Variants in CHD2 observed in about 807,000 individuals in gnomAD.
CHD2 encodes the protein chromodomain helicase DNA binding protein 2.
CHD2 carries 28 observed loss-of-function variants against 243.9 expected under a neutral mutation model. That is an observed-to-expected ratio of 0.11 (90% CI 0.09 to 0.16). The LOEUF is 0.16. Ranked by LOEUF, CHD2 falls within the 10% of genes least tolerant of loss-of-function variation. CHD2 has a pLI of 1.00. For synonymous variants in CHD2, 775 were observed against 779.0 expected, an observed-to-expected ratio of 0.99 and a Z score of 0.09; for missense variants, 1,386 against 2,209.8, an observed-to-expected ratio of 0.63 and a Z score of 7.47.
At chr15:92,964,052 C>G (rs1211796022) in intron 16 of CHD2, among the ~76,000 whole-genome samples, 1 of 152,238 alleles carries the variant, frequency 6.6e-6, no homozygotes, top group Non-Finnish European at 1.5e-5. Flanking sequence ...TGGCATTCCA[C>G]TCAGCATGGG....
At chr15:92,929,583 G>A (rs1156979862) in intron 5 of CHD2, among the ~76,000 whole-genome samples, 1 of 151,716 alleles carries the variant, frequency 6.6e-6, no homozygotes, top group East Asian at 1.9e-4. Flanking sequence ...GACTTAATGT[G>A]GAGTTTCTTT....
At chr15:92,950,569 A>G (rs749209180) in intron 13 of CHD2, 1 of 152,198 alleles carries the variant, frequency 6.6e-6, no homozygotes, top group Non-Finnish European at 1.5e-5. Flanking sequence ...CCTGTGCAAC[A>G]TGGCAAAACC....
At position 92,937,593 on chromosome 15, in the gene CHD2, A is replaced by T. The variant is rs1346574238; in HGVS notation, c.519A>T (p.Lys173Asn). Residue 173 changes from lysine (K) to asparagine (N), a missense_variant, in exon 6 of 39, where the codon AAA becomes AAT. By Grantham distance (94) the Lys-to-Asn change is moderately conservative. Coordinates refer to ENST00000394196, the MANE Select transcript of CHD2 (RefSeq NM_001271.4). ...GTGCAGAGAGTGAGCCAGAACAAAA[A>T]AAAGTAAAAGCCAGAAGACCTGTCC... ...GTSAESEPEQ[K>N]KVKARRPVPR... The T allele has an allele frequency of 6.2e-7, 1 of 1,613,904 alleles. No individual in the cohort carries two copies. Among genetic ancestry groups the T allele is most frequent in the South Asian group, 1.1e-5 (1 of 90,998 alleles).
At chr15:92,901,395 G>GT in intron 2 of CHD2, 96 bp downstream of exon 2, 1 of 733,112 alleles carries the variant, frequency 1.4e-6, no homozygotes. Flanking sequence ...ATTGCTGTCT[G>GT]TTTTATTGTG....
intron 5 of CHD2, among the ~76,000 whole-genome samples, chr15:92,935,907 A>G (rs1051134082): frequency 8.5e-5 from 13 of 152,138 alleles, no homozygotes; most frequent in African/African-American, 2.9e-4. Context: ...TCTGACTGAT[A>G]GACTAATTGC....
chr15:92,989,348 A>G (rs916391761), intron 26 of CHD2, among the ~76,000 whole-genome samples: 2 of 152,020 alleles, frequency 1.3e-5, no homozygotes, highest in Non-Finnish European at 2.9e-5. Flanking sequence ...TTGGTTTTCT[A>G]TATGTCCCGT....
intron 2 of CHD2, among the ~76,000 whole-genome samples, chr15:92,905,886 GTAA>G (rs1451510715): frequency 2.0e-5 from 3 of 152,160 alleles, no homozygotes; most frequent in Non-Finnish European, 4.4e-5. Context: ...AAGAACGAAA[GTAA>G]TAATCTCACC....
At chr15:93,005,676 T>G (rs1161733904) in intron 34 of CHD2, among the ~76,000 whole-genome samples, 1 of 152,244 alleles carries the variant, frequency 6.6e-6, no homozygotes, top group Non-Finnish European at 1.5e-5. Context: ...ATATAGATAT[T>G]GTTTTCTTTG....
intron 4 of CHD2, among the ~76,000 whole-genome samples, chr15:92,927,919 A>G (rs965684652): frequency 2.0e-5 from 3 of 152,172 alleles, no homozygotes; most frequent in Non-Finnish European, 4.4e-5. Flanking sequence ...TTGGTTGTCT[A>G]TAGAATCAGA....
In CHD2 at chr15:92,999,119, T is replaced by A. The variant is rs1003033550; in HGVS notation, c.4008+498T>A. 3.0e-3 allele frequency among the ~76,000 whole-genome samples: 405 copies of A among 136,186 alleles called. 5 individuals are homozygous for A. Among genetic ancestry groups the A allele is most frequent in the African/African-American group, 0.011 (377 of 35,264 alleles). The allele number at this position is 136,186 out of a possible 152,430, so 89.3% of individuals were successfully genotyped here. On this transcript the variant is annotated intron_variant, in intron 31 of 38. Coordinates refer to ENST00000394196, the MANE Select transcript of CHD2 (RefSeq NM_001271.4). ...AAAAAAAAAAAAAAAAAAAAAAAAT[T>A]CATTTAAGACCACGGCATCTTGGCA...
At chr15:93,001,522 TGA>T (rs1293272341) in intron 32 of CHD2, among the ~76,000 whole-genome samples, 3 of 152,152 alleles carry the variant, frequency 2.0e-5, no homozygotes, top group Admixed American at 6.5e-5. Context: ...TTATTTATTA[TGA>T]GTTGCTTTTT....
At chr15:93,019,013 G>A (rs2141893599) in intron 37 of CHD2, among the ~76,000 whole-genome samples, 1 of 152,322 alleles carries the variant, frequency 6.6e-6, no homozygotes, top group African/African-American at 2.4e-5. Flanking sequence ...TCTGATTCAA[G>A]TGAGTATGAT....
In CHD2 at chr15:92,979,381, A is replaced by G. The variant is rs2053948527; in HGVS notation, c.2876+98A>G. On this transcript the variant is annotated intron_variant, in intron 22 of 38. Coordinates refer to ENST00000394196, the MANE Select transcript of CHD2 (RefSeq NM_001271.4). ...TTCTACCACAGACATTAGTCTGTTC[A>G]TTACCTGGAAGATGCCAGGCCAGAA... The G allele has an allele frequency of 2.2e-5, 30 of 1,392,918 alleles. 1 individual carries two copies. In the South Asian group the frequency reaches 4.0e-4, roughly 19 times the overall value. The allele number at this position is 1,392,918 out of a possible 1,614,324, so 86.3% of individuals were successfully genotyped here. A position where few individuals can be genotyped will look rare whatever the true frequency, so the allele number is the denominator to read the frequency against.
chr15:92,949,305 T>G, intron 13 of CHD2: 1 of 1,171,648 alleles, frequency 8.5e-7, no homozygotes. Context: ...TATTTCATTA[T>G]TTGGTGGGTA....
In CHD2 at chr15:92,965,565, C is replaced by CAAAAAAAAAAAA. The variant is rs61447848; in HGVS notation, c.2001-1741_2001-1730dup. Among the ~76,000 whole-genome samples, 22 of 111,036 alleles carry CAAAAAAAAAAAA rather than the reference C, an allele frequency of 2.0e-4. 1 individual carries two copies. The highest frequency in any genetic ancestry group is 3.6e-4 in the Non-Finnish European group (21 of 58,514). The allele number at this position is 111,036 out of a possible 152,430, so 72.8% of individuals were successfully genotyped here. A position where few individuals can be genotyped will look rare whatever the true frequency, so the allele number is the denominator to read the frequency against. On this transcript the variant is annotated intron_variant, in intron 16 of 38. Transcript: ENST00000394196. Reference sequence around the variant, plus strand: ...GGCGACAGAGCCGAGACTCTTTCTCCAAAAAAAAAAAAAAAAAAAAAAAAA... The same window carrying CAAAAAAAAAAAA: ...GGCGACAGAGCCGAGACTCTTTCTCCAAAAAAAAAAAAAAAAAAAAAAAAAAAAAAAAAAAAA...
At chr15:92,981,496 T>C in intron 24 of CHD2, 39 bp downstream of exon 24, 4 of 1,495,616 alleles carry the variant, frequency 2.7e-6, no homozygotes, top group Non-Finnish European at 3.7e-6. Flanking sequence ...TCAGCATTGA[T>C]TCATTAATGA....
chr15:92,940,984 T>A (rs1271422515), intron 7 of CHD2, among the ~76,000 whole-genome samples: 2 of 125,272 alleles, frequency 1.6e-5, no homozygotes, highest in African/African-American at 5.8e-5. Flanking sequence ...TAAATATAAA[T>A]ATATATATAA....
At chr15:93,009,667 C>T (rs879583156) in intron 35 of CHD2, among the ~76,000 whole-genome samples, 4 of 152,148 alleles carry the variant, frequency 2.6e-5, no homozygotes, top group Non-Finnish European at 4.4e-5. Flanking sequence ...GGTTGATATC[C>T]AGATATTCAG....
At chr15:92,924,176 A>G in intron 2 of CHD2, 145 bp from the exon 3 acceptor site, 1 of 627,206 alleles carries the variant, frequency 1.6e-6, no homozygotes, top group South Asian at 1.9e-5. Flanking sequence ...TTTGGAATGT[A>G]AAAGTATAAA....
Sources: gnomAD v4.1 joint callset for allele counts (sites outside exome capture counted in the v4.1 genomes callset) on GRCh38, gnomAD v4.1.1 for gene constraint, MANE v1.5 for transcripts, NCBI Gene and HGNC (gene_info 2026-07-23, HGNC 2026-07-21) for gene names.